KRT80: variants seen among roughly 807,000 people sequenced by gnomAD.
KRT80 encodes keratin, type II cytoskeletal 80.
A neutral mutation model predicts 51.5 loss-of-function variants in KRT80; 36 were observed. The observed-to-expected ratio is 0.70, with a 90% CI of 0.54 to 0.92. KRT80 has a LOEUF of 0.92. KRT80 is among the 40% of genes least tolerant of loss of function. The probability of loss-of-function intolerance (pLI) is 0.00; values close to 1 mark genes in which losing one functional copy is unlikely to be tolerated. For missense variants in KRT80, 566 were observed against 591.7 expected (o/e 0.96, Z 0.45); for synonymous variants, 235 against 248.3 (o/e 0.95, Z 0.50).
rs1378277668 is a variant in KRT80, at chr12:52,170,549, G to A, written c.*849C>T. On this transcript the variant is annotated 3_prime_UTR_variant, in exon 9 of 9. Transcript: ENST00000394815. Reference sequence around the variant, plus strand: ...CTGGGGGCACAGAGCTCAGATCCAGGCTGGGTAGGACCCCAGCATGGCAGG... The same window carrying A: ...CTGGGGGCACAGAGCTCAGATCCAGACTGGGTAGGACCCCAGCATGGCAGG... 1 of 152,298 alleles carries A rather than the reference G, an allele frequency of 6.6e-6. No individual in the cohort carries two copies. Among genetic ancestry groups the A allele is most frequent in the Non-Finnish European group, 1.5e-5 (1 of 68,102 alleles). The allele number at this position is 152,298 out of a possible 1,614,324, so 9.4% of individuals were successfully genotyped here.
chr12:52,184,968 C>T (rs1941380168), intron 2 of KRT80, among the ~76,000 whole-genome samples: 2 of 152,240 alleles, frequency 1.3e-5, no homozygotes, highest in South Asian at 4.1e-4. Context: ...AAAGCCACAT[C>T]TAAAACAGAA....
At position 52,191,830 on chromosome 12, in the gene KRT80, G is replaced by A. The variant is rs565173684; in HGVS notation, c.73C>T (p.Arg25Trp). 59 of 1,586,280 alleles carry A rather than the reference G, an allele frequency of 3.7e-5. No individual in the cohort carries two copies. The highest frequency in any genetic ancestry group is 2.2e-4 in the African/African-American group (16 of 74,352). The change falls in exon 1 of 9, where the codon CGG becomes TGG. Residue 25 changes from arginine (R) to tryptophan (W), a missense_variant. Transcript: ENST00000394815. ...SCEVTPVGSPRPGTSGWDSCR... is the reference protein window; with the variant it reads ...SCEVTPVGSPWPGTSGWDSCR... ...CTGTCCCATCCTGAGGTTCCAGGCC[G>A]GGGGCTGCCCACCGGGGTCACCTCA... is the stretch of plus-strand genomic sequence containing the variant.
Position 52,173,145 on chromosome 12 carries a change from G to T in KRT80, c.850C>A (p.Arg284Ser), listed in dbSNP as rs138907521. 5.7e-5 allele frequency: 92 copies of T among 1,610,282 alleles called. No homozygotes were observed. The highest frequency in any genetic ancestry group is 7.5e-5 in the Non-Finnish European group (88 of 1,178,468). The change falls in exon 6 of 9, where the codon CGC becomes AGC. Residue 284 changes from arginine to serine, a missense_variant. Transcript: ENST00000394815. The stretch of plus-strand genomic sequence containing the variant: ...AGGCTGCTCCCATACTCGGCCGAGC[G>T]GGCGGCCTGCTCCTCCAGCTGGAGG... ...SRSQLEEQAA[R>S]SAEYGSSLQS...
At chr12:52,183,259 C>T (rs142037816) in intron 2 of KRT80, among the ~76,000 whole-genome samples, 21 of 152,368 alleles carry the variant, frequency 1.4e-4, no homozygotes, top group African/African-American at 4.8e-4. Flanking sequence ...CCCTATTCCA[C>T]TCCCAATCCT....
chr12:52,172,091 C>T, intron 7 of KRT80, 107 bp downstream of exon 7: 1 of 1,254,700 alleles, frequency 8.0e-7, no homozygotes, highest in South Asian at 1.4e-5. Flanking sequence ...AAACCCAGGC[C>T]TGGTAGGCTC....
At chr12:52,185,249 A>G in intron 2 of KRT80, 130 bp downstream of exon 2, 1 of 916,546 alleles carries the variant, frequency 1.1e-6, no homozygotes, top group East Asian at 2.5e-5. Context: ...CAGTCCCTCA[A>G]TAAATGTCTC....
rs903319720 is a variant in KRT80, at chr12:52,169,003, T to G, written c.*2395A>C. On this transcript the variant is annotated 3_prime_UTR_variant, in exon 9 of 9. Transcript: ENST00000394815. ...GAAATCCCTGAGACTTGGTAATTTA[T>G]AAAGAAAAGACATTTATTTTGGCTC... 2 of 152,204 alleles carry G rather than the reference T, an allele frequency of 1.3e-5. No homozygotes were observed. The highest frequency in any genetic ancestry group is 1.5e-5 in the Non-Finnish European group (1 of 68,086). 9.4% of individuals were successfully genotyped at this position (152,204 alleles called of 1,614,324 possible).
intron 6 of KRT80, 151 bp downstream of exon 6, chr12:52,172,887 A>T (rs1205352791): frequency 2.4e-6 from 2 of 849,568 alleles, no homozygotes; most frequent in Non-Finnish European, 1.8e-6. Flanking sequence ...CTGTGCTATT[A>T]TCCCATTTGA....
chr12:52,190,960 C>T (rs1264050600), intron 1 of KRT80, among the ~76,000 whole-genome samples: 1 of 152,116 alleles, frequency 6.6e-6, no homozygotes, highest in Non-Finnish European at 1.5e-5. Flanking sequence ...GGATGCACCT[C>T]CCGCAGTCAG....
At chr12:52,187,688 C>T (rs542563111) in intron 1 of KRT80, among the ~76,000 whole-genome samples, 2 of 152,290 alleles carry the variant, frequency 1.3e-5, no homozygotes, top group South Asian at 2.1e-4. Context: ...CTGCTCTCTG[C>T]TGTACTCACA....
intron 1 of KRT80, among the ~76,000 whole-genome samples, chr12:52,191,220 C>T (rs1335425109): frequency 5.3e-5 from 8 of 152,168 alleles, no homozygotes; most frequent in Non-Finnish European, 1.2e-4. Context: ...GAGGCCATCT[C>T]CCCTGTCCAC....
Position 52,176,761 on chromosome 12 carries a change from G to A in KRT80, c.667-2997C>T, listed in dbSNP as rs541932614. Among the ~76,000 whole-genome samples, 75 of 152,334 alleles carry A rather than the reference G, an allele frequency of 4.9e-4. 1 individual carries two copies. In the South Asian group the frequency reaches 0.013, roughly 26 times the overall value. ...CTCCCAAAGTGTTGGGATTACAGGC[G>A]TGAGCCACTGTGCCCGGCCAATCAC... is the stretch of plus-strand genomic sequence containing the variant. On this transcript the variant is annotated intron_variant, in intron 4 of 8. Transcript: ENST00000394815.
intron 2 of KRT80, among the ~76,000 whole-genome samples, chr12:52,181,537 CCCT>C (rs1479221371): frequency 6.6e-6 from 1 of 152,196 alleles, no homozygotes; most frequent in Non-Finnish European, 1.5e-5. Context: ...GTTGCATCAC[CCCT>C]CCTCTCTTGG....
chr12:52,181,852 T>G (rs114596673), intron 2 of KRT80, among the ~76,000 whole-genome samples: 2,720 of 152,326 alleles, frequency 0.018, 88 homozygotes, highest in African/African-American at 0.062. Context: ...TGGCCCCAGC[T>G]GCTGTGGGGA....
intron 5 of KRT80, 137 bp downstream of exon 5, chr12:52,173,463 C>A: frequency 1.1e-6 from 1 of 900,428 alleles, no homozygotes; most frequent in Non-Finnish European, 1.7e-6. Flanking sequence ...CGCCCCGTCC[C>A]TGTGCTTCTC....
At chr12:52,178,590 C>T (rs1941271151) in intron 4 of KRT80, among the ~76,000 whole-genome samples, 1 of 152,222 alleles carries the variant, frequency 6.6e-6, no homozygotes, top group Non-Finnish European at 1.5e-5. Context: ...CTTTGCATCC[C>T]AGAATCTGTC....
At chr12:52,174,486 G>A (rs948848295) in intron 4 of KRT80, among the ~76,000 whole-genome samples, 2 of 152,230 alleles carry the variant, frequency 1.3e-5, no homozygotes, top group African/African-American at 2.4e-5. Context: ...TTGCCTGGAC[G>A]ACCACAATAT....
Position 52,180,941 on chromosome 12 carries a change from G to A in KRT80, c.532C>T (p.Arg178Cys), listed in dbSNP as rs767920544. 5 of 1,537,804 alleles carry A rather than the reference G, an allele frequency of 3.3e-6. No individual in the cohort carries two copies. Among genetic ancestry groups the A allele is most frequent in the East Asian group, 2.3e-5 (1 of 44,032 alleles). The change falls in exon 3 of 9, where the codon CGC (arginine) becomes TGC (cysteine). Residue 178 changes from arginine to cysteine, a missense_variant. Coordinates refer to ENST00000394815, the MANE Select transcript of KRT80 (RefSeq NM_182507.3). Reference protein sequence around the residue: ...RIRYEDEISKRTDMEFTFVQL... With the variant: ...RIRYEDEISKCTDMEFTFVQL... ...ACAAAGGTGAACTCCATGTCTGTGC[G>A]CTTGGAGATCTCATCCTCATACCTG...
chr12:52,188,944 C>T (rs74095248), intron 1 of KRT80, among the ~76,000 whole-genome samples: 3,956 of 152,312 alleles, frequency 0.026, 188 homozygotes, highest in African/African-American at 0.084. Context: ...CCTTACCAGT[C>T]CTTCCACTGG....
Sources: gnomAD v4.1 joint callset for allele counts (sites outside exome capture counted in the v4.1 genomes callset) on GRCh38, gnomAD v4.1.1 for gene constraint, MANE v1.5 for transcripts, NCBI Gene and HGNC (gene_info 2026-07-23, HGNC 2026-07-21) for gene names.